Variants in CASTOR2 observed in about 807,000 individuals in gnomAD.
CASTOR2 encodes GATS protein like 2.
A neutral mutation model predicts 31.2 loss-of-function variants in CASTOR2; 8 were observed. The observed-to-expected ratio is 0.26, with a 90% CI of 0.15 to 0.46. The LOEUF is 0.46. Among genes scored for constraint, CASTOR2 ranks in the 20% least tolerant of loss-of-function variants. The pLI, the probability that CASTOR2 is intolerant of heterozygous loss-of-function variation, is 0.99. For synonymous variants in CASTOR2, 162 were observed against 158.7 expected (o/e 1.02, Z -0.16); for missense variants, 216 against 382.1 (o/e 0.57, Z 3.62).
Position 75,009,699 on chromosome 7 carries a change from C to G in CASTOR2, c.184+1635C>G, listed in dbSNP as rs1204419726. 5.9e-5 allele frequency among the ~76,000 whole-genome samples: 9 copies of G among 151,902 alleles called. No homozygotes were observed. The East Asian group carries it at 1.7e-3, about 30-fold the overall frequency. The stretch of plus-strand genomic sequence containing the variant: ...CCCCATGTGTGTACAGCCACAGCTT[C>G]TAGTACTGGGGACACACTTGGCATC... On this transcript the variant is annotated intron_variant, in intron 2 of 8. Transcript: ENST00000616305.
chr7:74,976,678 C>G (rs1803818076), intron 1 of CASTOR2, among the ~76,000 whole-genome samples: 1 of 136,748 alleles, frequency 7.3e-6, no homozygotes, highest in Non-Finnish European at 1.6e-5. Context: ...AGTCCTTAAA[C>G]CTAACACAGA....
chr7:75,029,635 C>T lies in CASTOR2; in HGVS notation c.*4936C>T, dbSNP rs924219865. ...CTGGGATTACAGGCATGAGATACCC[C>T]GCCTGGCCAATGGGATTTTTGACGC... On this transcript the variant is annotated 3_prime_UTR_variant, in exon 9 of 9. Coordinates refer to ENST00000616305, the MANE Select transcript of CASTOR2 (RefSeq NM_001145064.3). Among the ~76,000 whole-genome samples the T allele has an allele frequency of 1.3e-5, 2 of 152,098 alleles. No homozygotes were observed. Among genetic ancestry groups the T allele is most frequent in the East Asian group, 1.9e-4 (1 of 5,180 alleles).
intron 1 of CASTOR2, among the ~76,000 whole-genome samples, chr7:74,984,965 C>T (rs1804029463): frequency 6.6e-6 from 1 of 152,102 alleles, no homozygotes; most frequent in African/African-American, 2.4e-5. Flanking sequence ...GTAGAAACCC[C>T]ATCTCTACTA....
In CASTOR2 at chr7:75,025,906, C is replaced by G. The variant is rs1805115097; in HGVS notation, c.*1207C>G. Reference sequence around the variant, plus strand: ...GGGAATCGGGAGATGTCACAGGAGCCTGGGCCCTCTCTTCTGAAGGGAAGC... The same window carrying G: ...GGGAATCGGGAGATGTCACAGGAGCGTGGGCCCTCTCTTCTGAAGGGAAGC... On this transcript the variant is annotated 3_prime_UTR_variant, in exon 9 of 9. Coordinates refer to ENST00000616305, the MANE Select transcript of CASTOR2 (RefSeq NM_001145064.3). Among the ~76,000 whole-genome samples the G allele has an allele frequency of 1.3e-5, 2 of 152,300 alleles. No individual in the cohort carries two copies. Among genetic ancestry groups the G allele is most frequent in the African/African-American group, 4.8e-5 (2 of 41,568 alleles).
At chr7:74,985,768 A>G (rs1470557585) in intron 1 of CASTOR2, among the ~76,000 whole-genome samples, 1 of 151,910 alleles carries the variant, frequency 6.6e-6, no homozygotes, top group Non-Finnish European at 1.5e-5. Context: ...TGAGGGTTAG[A>G]TGGCATCACG....
intron 5 of CASTOR2, among the ~76,000 whole-genome samples, chr7:75,019,298 G>C (rs1445060660): frequency 6.6e-6 from 1 of 152,104 alleles, no homozygotes; most frequent in East Asian, 1.9e-4. Context: ...GACCTGCCCC[G>C]GAGCTAGTCT....
rs1201398359 is a variant in CASTOR2 at position 75,030,029 on chromosome 7, CCAGCCAGGAG to C, written c.*5336_*5345del. Among the ~76,000 whole-genome samples, 8 of 152,330 alleles carry C rather than the reference CCAGCCAGGAG, an allele frequency of 5.3e-5. No homozygotes were observed. Among genetic ancestry groups the C allele is most frequent in the South Asian group, 2.1e-4 (1 of 4,834 alleles). On this transcript the variant is annotated 3_prime_UTR_variant, in exon 9 of 9. Transcript: ENST00000616305. ...ACGAAAGAGGCCCCAGGGAAGGAAG[CCAGCCAGGAG>C]CAGCCTGGAGCAGAGGCAGGAGCCT...
At chr7:75,004,593 C>T (rs1804567900) in intron 1 of CASTOR2, among the ~76,000 whole-genome samples, 1 of 151,976 alleles carries the variant, frequency 6.6e-6, no homozygotes, top group Admixed American at 6.6e-5. Context: ...ATTACAGACG[C>T]CCACCACCAC....
intron 2 of CASTOR2, among the ~76,000 whole-genome samples, 197 bp from the exon 3 acceptor site, chr7:75,017,401 C>T (rs1386871188): frequency 2.0e-5 from 3 of 151,928 alleles, no homozygotes; most frequent in Admixed American, 1.3e-4. Flanking sequence ...GAGCCGAGAT[C>T]GCGCTACTCC....
intron 6 of CASTOR2, among the ~76,000 whole-genome samples, chr7:75,021,633 G>C (rs990038412): frequency 2.6e-5 from 4 of 152,120 alleles, no homozygotes; most frequent in Admixed American, 2.6e-4. Context: ...AGGGTTTGGG[G>C]AGGGGCTTGT....
chr7:75,005,156 C>T (rs1469196956), intron 1 of CASTOR2, among the ~76,000 whole-genome samples: 8 of 152,070 alleles, frequency 5.3e-5, no homozygotes, highest in South Asian at 2.1e-4. Flanking sequence ...CGTGAGCCAC[C>T]GCACCCGGCC....
At chr7:75,003,104 A>G (rs1804533168) in intron 1 of CASTOR2, among the ~76,000 whole-genome samples, 2 of 152,094 alleles carry the variant, frequency 1.3e-5, no homozygotes, top group Admixed American at 6.6e-5. Context: ...AAGACAAGAA[A>G]CACAGCAGAT....
intron 1 of CASTOR2, among the ~76,000 whole-genome samples, chr7:74,967,434 C>G (rs1382514975): frequency 4.0e-5 from 6 of 148,266 alleles, no homozygotes; most frequent in African/African-American, 1.2e-4. Flanking sequence ...GCAATCCCTG[C>G]CCCCAGGTGG....
intron 2 of CASTOR2, among the ~76,000 whole-genome samples, chr7:75,012,341 TC>T (rs1484927621): frequency 6.6e-6 from 1 of 152,048 alleles, no homozygotes; most frequent in African/African-American, 2.4e-5. Flanking sequence ...TCTCGCTCTG[TC>T]CCCAGACTGG....
chr7:74,972,922 C>G lies in CASTOR2; in HGVS notation c.113+7824C>G, dbSNP rs145074604. 4.3e-3 allele frequency among the ~76,000 whole-genome samples: 621 copies of G among 144,674 alleles called. 9 individuals are homozygous for G. The highest frequency in any genetic ancestry group is 0.014 in the African/African-American group (508 of 36,866). The allele number at this position is 144,674 out of a possible 152,430, so 94.9% of individuals were successfully genotyped here. On this transcript the variant is annotated intron_variant, in intron 1 of 8. Transcript: ENST00000616305. ...CTCGAACTCCTGACCTTGTGATCTG[C>G]CCGTCTGGGCCTCCCAAAGTGCTGG...
At chr7:75,023,079 C>T (rs2131958206) in intron 7 of CASTOR2, among the ~76,000 whole-genome samples, 1 of 152,286 alleles carries the variant, frequency 6.6e-6, no homozygotes, top group South Asian at 2.1e-4. Flanking sequence ...GAGGCCGAGG[C>T]AGGAGGATCA....
chr7:74,983,893 G>A (rs1319005432), intron 1 of CASTOR2, among the ~76,000 whole-genome samples: 3 of 151,342 alleles, frequency 2.0e-5, no homozygotes, highest in Non-Finnish European at 2.9e-5. Context: ...GGTTCCTCCC[G>A]CCTCAGCCTC....
At chr7:75,017,517 C>T (rs1804893276) in intron 2 of CASTOR2, 81 bp from the exon 3 acceptor site, 1 of 1,505,274 alleles carries the variant, frequency 6.6e-7, no homozygotes, top group Non-Finnish European at 9.1e-7. Flanking sequence ...CATCACTCTC[C>T]ACCTCTGGCC....
chr7:74,985,254 G>A lies in CASTOR2; in HGVS notation c.113+20156G>A, dbSNP rs1804035139. On this transcript the variant is annotated intron_variant, in intron 1 of 8. Transcript: ENST00000616305. Reference sequence around the variant, plus strand: ...CAGGGCAGGTCTGGTTCTGGTCCTCGGGGCTCCCACAGAAGTAAAAGTTGA... The same window carrying A: ...CAGGGCAGGTCTGGTTCTGGTCCTCAGGGCTCCCACAGAAGTAAAAGTTGA... Among the ~76,000 whole-genome samples the A allele has an allele frequency of 2.6e-5, 4 of 152,102 alleles. No individual in the cohort carries two copies. In the South Asian group the frequency reaches 6.2e-4, roughly 24 times the overall value.
Sources: gnomAD v4.1 joint callset for allele counts (sites outside exome capture counted in the v4.1 genomes callset) on GRCh38, gnomAD v4.1.1 for gene constraint, MANE v1.5 for transcripts, NCBI Gene and HGNC (gene_info 2026-07-23, HGNC 2026-07-21) for gene names.